VPS13D: variants seen among roughly 807,000 people sequenced by gnomAD.
The protein encoded by VPS13D is vacuolar protein sorting 13 homolog D, also known as intermembrane lipid transfer protein VPS13D.
Under a neutral mutation model 461.9 loss-of-function variants are expected in VPS13D, and 187 were observed. The ratio of observed to expected loss-of-function variants is 0.40; its 90% CI spans 0.36 to 0.46. The LOEUF (loss-of-function observed/expected upper bound fraction) is 0.46. VPS13D is among the 20% of genes least tolerant of loss of function. The pLI is 0.60. For synonymous variants in VPS13D, 1,951 were observed against 1,986.3 expected, an observed-to-expected ratio of 0.98 and a Z score of 0.47; for missense variants, 4,711 against 5,364.9, an observed-to-expected ratio of 0.88 and a Z score of 3.81.
chr1:12,350,359 TAAAC>T (rs1643767518), intron 46 of VPS13D, among the ~76,000 whole-genome samples: 1 of 151,990 alleles, frequency 6.6e-6, no homozygotes, highest in Non-Finnish European at 1.5e-5. Flanking sequence ...AAACTAGAAA[TAAAC>T]AATAAGAAGA....
chr1:12,472,581 C>G (rs1293021848), intron 67 of VPS13D, among the ~76,000 whole-genome samples: 1 of 152,210 alleles, frequency 6.6e-6, no homozygotes. Flanking sequence ...TGTCCATCTG[C>G]TTTTCAGCTT....
chr1:12,263,770 T>C (rs1186669726), intron 13 of VPS13D, among the ~76,000 whole-genome samples: 1 of 152,250 alleles, frequency 6.6e-6, no homozygotes, highest in Non-Finnish European at 1.5e-5. Context: ...TAGTATTAAC[T>C]AGCAGATTAC....
Position 12,349,425 on chromosome 1 carries a change from T to C in VPS13D, c.9431+51T>C, listed in dbSNP as rs895036347. The C allele has an allele frequency of 3.3e-6, 5 of 1,521,676 alleles. No individual in the cohort carries two copies. The African/African-American group carries it at 5.5e-5, about 17-fold the overall frequency. The allele number at this position is 1,521,676 out of a possible 1,614,324, so 94.3% of individuals were successfully genotyped here. ...GTCACTTTTGCCTTTTTTTTTTCTT[T>C]TGGAATGACTATTACCATTCTTTCT... On this transcript the variant is annotated intron_variant, in intron 46 of 69. Transcript: ENST00000620676.
chr1:12,283,833 T>C, intron 21 of VPS13D, 97 bp downstream of exon 21: 1 of 1,272,426 alleles, frequency 7.9e-7, no homozygotes, highest in Non-Finnish European at 1.1e-6. Context: ...GGAAAATATC[T>C]CTTGTTGGCA....
Position 12,499,935 on chromosome 1 carries a change from C to T in VPS13D, c.12794+2304C>T, listed in dbSNP as rs932295460. On this transcript the variant is annotated intron_variant, in intron 68 of 69. Coordinates refer to ENST00000620676, the MANE Select transcript of VPS13D (RefSeq NM_015378.4). Reference sequence around the variant, plus strand: ...TTTATCCTAGATTTGTAATTAAAAACATGTTTAAAGACCTAATTATTTGCG... The same window carrying T: ...TTTATCCTAGATTTGTAATTAAAAATATGTTTAAAGACCTAATTATTTGCG... 7 of 985,266 alleles carry T rather than the reference C, an allele frequency of 7.1e-6. No homozygotes were observed. In the African/African-American group the frequency reaches 1.0e-4, roughly 15 times the overall value. 61.0% of individuals were successfully genotyped at this position (985,266 alleles called of 1,614,324 possible). A position where few individuals can be genotyped will look rare whatever the true frequency, so the allele number is the denominator to read the frequency against.
chr1:12,453,494 C>G (rs1032790667), intron 65 of VPS13D, among the ~76,000 whole-genome samples: 1 of 152,152 alleles, frequency 6.6e-6, no homozygotes, highest in Non-Finnish European at 1.5e-5. Context: ...ACACACAGGA[C>G]ATGGGCACGC....
chr1:12,420,519 T>C (rs540736615), intron 65 of VPS13D, among the ~76,000 whole-genome samples: 1 of 152,328 alleles, frequency 6.6e-6, no homozygotes, highest in African/African-American at 2.4e-5. Context: ...TGAATGGGCT[T>C]TGAGTGTAGT....
rs527537249 is a variant in VPS13D at position 12,385,523 on chromosome 1, G to A, written c.11484+150G>A. The stretch of plus-strand genomic sequence containing the variant: ...CAGTGTTTACTGTTTATCAGTGAAT[G>A]TGTGAATGTATTATGTAAATGACAA... On this transcript the variant is annotated intron_variant, in intron 59 of 69. Transcript: ENST00000620676. The A allele has an allele frequency of 2.7e-5, 17 of 634,000 alleles. No homozygotes were observed. The African/African-American group carries it at 3.0e-4, about 11-fold the overall frequency. 39.3% of individuals were successfully genotyped at this position (634,000 alleles called of 1,614,324 possible).
intron 2 of VPS13D, among the ~76,000 whole-genome samples, chr1:12,239,918 T>C (rs895174592): frequency 6.6e-6 from 1 of 152,076 alleles, no homozygotes; most frequent in African/African-American, 2.4e-5. Flanking sequence ...CTGTCTGGAG[T>C]GAGTGACCTG....
intron 22 of VPS13D, 80 bp downstream of exon 22, chr1:12,288,393 C>T: frequency 7.8e-7 from 1 of 1,276,576 alleles, no homozygotes. Context: ...ATTGATTGTC[C>T]TCACGTGCTG....
chr1:12,369,338 TG>T, intron 53 of VPS13D, 128 bp from the exon 54 acceptor site: 1 of 810,788 alleles, frequency 1.2e-6, no homozygotes, highest in Non-Finnish European at 2.0e-6. Flanking sequence ...TGAATTTCAC[TG>T]GGGCTTATTT....
intron 67 of VPS13D, among the ~76,000 whole-genome samples, chr1:12,461,098 C>T (rs1019554697): frequency 2.6e-5 from 4 of 152,130 alleles, no homozygotes; most frequent in African/African-American, 9.7e-5. Context: ...TTTTAGCCTC[C>T]CTTTTCCAGA....
chr1:12,494,066 C>G (rs1453121531), intron 67 of VPS13D, among the ~76,000 whole-genome samples: 1 of 152,154 alleles, frequency 6.6e-6, no homozygotes, highest in Non-Finnish European at 1.5e-5. Flanking sequence ...TAAAATTGAA[C>G]TCATCTGTCT....
At chr1:12,337,924 A>G in intron 39 of VPS13D, 1 of 224,006 alleles carries the variant, frequency 4.5e-6, no homozygotes, top group East Asian at 8.7e-5. Flanking sequence ...CTTTAAATTA[A>G]AAATCTTCAA....
At chr1:12,261,848 C>A in intron 12 of VPS13D, 53 bp from the exon 13 acceptor site, 1 of 1,472,324 alleles carries the variant, frequency 6.8e-7, no homozygotes, top group Non-Finnish European at 9.2e-7. Flanking sequence ...CTTGCTGGTG[C>A]TTTTTTATTC....
At position 12,342,935 on chromosome 1, in the gene VPS13D, T is replaced by C; in HGVS notation, c.8769T>C (p.Val2923=). 6.2e-7 allele frequency: 1 copy of C among 1,613,676 alleles called. No homozygotes were observed. Among genetic ancestry groups the C allele is most frequent in the Admixed American group, 1.7e-5 (1 of 60,016 alleles). ...ALSHSGSPGV[V]PEGNGTFLDD... is the part of the protein sequence containing the mutation. ...CTCACAGTGGGAGTCCAGGGGTAGT[T>C]CCAGAAGGGAACGGAACATTTCTCG... Residue 2923 remains valine, a synonymous_variant, in exon 42 of 70, where the codon GTT becomes GTC. Transcript: ENST00000620676.
intron 21 of VPS13D, among the ~76,000 whole-genome samples, chr1:12,284,207 C>T (rs181430020): frequency 5.8e-4 from 88 of 152,262 alleles, no homozygotes; most frequent in Non-Finnish European, 1.1e-3. Context: ...AGTTGGACTC[C>T]GTGAGTTTGA....
chr1:12,413,684 C>G (rs1644759921), intron 63 of VPS13D, among the ~76,000 whole-genome samples: 1 of 152,060 alleles, frequency 6.6e-6, no homozygotes, highest in Non-Finnish European at 1.5e-5. Context: ...TTCACCCAGG[C>G]TGGTCTTGAA....
chr1:12,373,116 TTTTTTTG>T, intron 54 of VPS13D, among the ~76,000 whole-genome samples: 2 of 139,264 alleles, frequency 1.4e-5, no homozygotes, highest in South Asian at 2.5e-4. Context: ...TTTTTTTTTT[TTTTTTTG>T]CTTTTTTTGG....
Sources: gnomAD v4.1 joint callset for allele counts (sites outside exome capture counted in the v4.1 genomes callset) on GRCh38, gnomAD v4.1.1 for gene constraint, MANE v1.5 for transcripts, NCBI Gene and HGNC (gene_info 2026-07-23, HGNC 2026-07-21) for gene names.